The following ATP8A2 variants were observed in gnomAD, a reference collection of about 807,000 sequenced individuals.
The protein encoded by ATP8A2 is phospholipid-transporting ATPase IB.
Under a neutral mutation model 165.6 loss-of-function variants are expected in ATP8A2, and 100 were observed. The ratio of observed to expected loss-of-function variants is 0.60; its 90% CI spans 0.51 to 0.71. ATP8A2 has a LOEUF of 0.71. ATP8A2 is among the 30% of genes least tolerant of loss of function. The probability of loss-of-function intolerance (pLI) is 0.00; values close to 1 mark genes in which losing one functional copy is unlikely to be tolerated. For synonymous variants in ATP8A2, 543 were observed against 548.8 expected (o/e 0.99, Z 0.15); for missense variants, 1,227 against 1,479.5 (o/e 0.83, Z 2.80).
intron 2 of ATP8A2, among the ~76,000 whole-genome samples, chr13:25,495,051 A>T (rs2036632892): frequency 6.6e-6 from 1 of 152,140 alleles, no homozygotes; most frequent in African/African-American, 2.4e-5. Context: ...TACCTCCCAA[A>T]CCAAACACCT....
At chr13:25,826,330 G>A (rs952924100) in intron 27 of ATP8A2, among the ~76,000 whole-genome samples, 1 of 152,158 alleles carries the variant, frequency 6.6e-6, no homozygotes, top group African/African-American at 2.4e-5. Context: ...GATTTAGGAG[G>A]GAGCCCTAGT....
intron 33 of ATP8A2, 132 bp from the exon 34 acceptor site, chr13:25,961,443 A>G: frequency 1.4e-6 from 1 of 692,062 alleles, no homozygotes; most frequent in Non-Finnish European, 2.5e-6. Context: ...CTGCCAGTGC[A>G]TGGGTTACCT....
intron 2 of ATP8A2, among the ~76,000 whole-genome samples, chr13:25,480,114 C>CG (rs749736803): frequency 1.1e-4 from 17 of 148,148 alleles, no homozygotes; most frequent in Non-Finnish European, 2.1e-4. Context: ...GCTGGCCGGG[C>CG]GGGGGGCTGA....
chr13:25,538,415 C>A (rs556040882), intron 7 of ATP8A2, among the ~76,000 whole-genome samples: 82 of 152,226 alleles, frequency 5.4e-4, no homozygotes, highest in Non-Finnish European at 9.4e-4. Context: ...TCCTGATGGG[C>A]CCTGCCAGCA....
At chr13:25,928,111 T>C (rs1237802672) in intron 33 of ATP8A2, among the ~76,000 whole-genome samples, 2 of 152,326 alleles carry the variant, frequency 1.3e-5, no homozygotes, top group Non-Finnish European at 2.9e-5. Context: ...AACCCACATC[T>C]TCTCCCCGTC....
chr13:25,392,677 A>C (rs993669623), intron 1 of ATP8A2, among the ~76,000 whole-genome samples: 1 of 152,212 alleles, frequency 6.6e-6, no homozygotes, highest in Non-Finnish European at 1.5e-5. Flanking sequence ...TCTTCTTACA[A>C]AAACAAGACC....
intron 2 of ATP8A2, among the ~76,000 whole-genome samples, chr13:25,523,741 A>T (rs914262908): frequency 1.3e-4 from 20 of 151,788 alleles, no homozygotes; most frequent in African/African-American, 4.8e-4. Flanking sequence ...TTCTGGTTTT[A>T]TTTGAGTCTT....
intron 27 of ATP8A2, among the ~76,000 whole-genome samples, chr13:25,787,170 A>G (rs1036234705): frequency 3.3e-5 from 5 of 152,230 alleles, no homozygotes; most frequent in Non-Finnish European, 7.3e-5. Context: ...TAAGAACAGT[A>G]TGACACTGGC....
intron 1 of ATP8A2, among the ~76,000 whole-genome samples, chr13:25,450,320 T>C (rs1162792491): frequency 6.6e-6 from 1 of 152,020 alleles, no homozygotes; most frequent in African/African-American, 2.4e-5. Context: ...TGATATAAAT[T>C]CCTTTGGGTA....
intron 1 of ATP8A2, among the ~76,000 whole-genome samples, chr13:25,409,207 T>G (rs1251136753): frequency 1.3e-5 from 2 of 152,198 alleles, no homozygotes; most frequent in Admixed American, 1.3e-4. Flanking sequence ...TGACTTAAAG[T>G]CTGCAGGCTC....
At chr13:25,381,290 C>T (rs994287890) in intron 1 of ATP8A2, among the ~76,000 whole-genome samples, 2 of 152,096 alleles carry the variant, frequency 1.3e-5, no homozygotes, top group Non-Finnish European at 2.9e-5. Context: ...GAGTTGAGCA[C>T]CTTTTAAAGC....
At chr13:25,497,621 TC>T (rs1026448440) in intron 2 of ATP8A2, among the ~76,000 whole-genome samples, 13 of 152,162 alleles carry the variant, frequency 8.5e-5, no homozygotes, top group African/African-American at 3.1e-4. Flanking sequence ...CACTGCTTTT[TC>T]CTAGTCTATC....
chr13:26,022,315 AT>A lies in ATP8A2; in HGVS notation c.*2332del, dbSNP rs1240109873. ...CCTATTTGGAAAGAGTGGATTAGAA[AT>A]TGAATTCTTTGTCAAACAGTTAGCT... is the stretch of plus-strand genomic sequence containing the variant. On this transcript the variant is annotated 3_prime_UTR_variant, in exon 37 of 37. Transcript: ENST00000381655. The A allele has an allele frequency of 2.0e-5, 3 of 152,156 alleles. No individual in the cohort carries two copies. Among genetic ancestry groups the A allele is most frequent in the Admixed American group, 6.5e-5 (1 of 15,276 alleles). The allele number at this position is 152,156 out of a possible 1,614,324, so 9.4% of individuals were successfully genotyped here.
At chr13:25,516,222 C>A (rs1216363821) in intron 2 of ATP8A2, among the ~76,000 whole-genome samples, 2 of 151,878 alleles carry the variant, frequency 1.3e-5, no homozygotes, top group Non-Finnish European at 2.9e-5. Context: ...GTTCCTGAAC[C>A]CTGTCTCCTT....
rs989500196 is a variant in ATP8A2, at chr13:25,430,074, T to G, written c.77-38903T>G. 3.9e-5 allele frequency among the ~76,000 whole-genome samples: 6 copies of G among 152,224 alleles called. No homozygotes were observed. The South Asian group carries it at 1.2e-3, about 32-fold the overall frequency. On this transcript the variant is annotated intron_variant, in intron 1 of 36. Transcript: ENST00000381655. Reference sequence around the variant, plus strand: ...TTGAGCCCTTAGATAAATAGTAGATTTGCAGAAAGGTAAACAATTCCATTC... The same window carrying G: ...TTGAGCCCTTAGATAAATAGTAGATGTGCAGAAAGGTAAACAATTCCATTC...
Position 25,866,082 on chromosome 13 carries a change from A to G in ATP8A2, c.3183+3674A>G, listed in dbSNP as rs542666039. Among the ~76,000 whole-genome samples the G allele has an allele frequency of 2.5e-4, 38 of 152,262 alleles. No individual in the cohort carries two copies. The South Asian group carries it at 4.4e-3, about 17-fold the overall frequency. ...AGTAGAACTTTGCATTGGAAAGATG[A>G]TGGAAACTTGATCCTAGACCAGGTC... On this transcript the variant is annotated intron_variant, in intron 33 of 36. Coordinates refer to ENST00000381655, the MANE Select transcript of ATP8A2 (RefSeq NM_016529.6).
chr13:25,550,179 G>A (rs551443050), intron 10 of ATP8A2, among the ~76,000 whole-genome samples: 17 of 152,154 alleles, frequency 1.1e-4, no homozygotes, highest in East Asian at 5.8e-4. Context: ...GATGGTGGGC[G>A]CCTGTAGTCC....
chr13:25,794,722 A>G (rs973045774), intron 27 of ATP8A2, among the ~76,000 whole-genome samples: 1 of 152,122 alleles, frequency 6.6e-6, no homozygotes, highest in African/African-American at 2.4e-5. Flanking sequence ...TATATATTCC[A>G]GTAATTGCTT....
chr13:25,664,832 T>G (rs1171569459), intron 24 of ATP8A2, among the ~76,000 whole-genome samples: 3 of 152,042 alleles, frequency 2.0e-5, no homozygotes, highest in Admixed American at 2.0e-4. Context: ...CCTTTTTCCT[T>G]GCGGTAACAT....
Sources: gnomAD v4.1 joint callset for allele counts (sites outside exome capture counted in the v4.1 genomes callset) on GRCh38, gnomAD v4.1.1 for gene constraint, MANE v1.5 for transcripts, NCBI Gene and HGNC (gene_info 2026-07-23, HGNC 2026-07-21) for gene names.